The following ZNF676 variants were observed in gnomAD, a reference collection of about 807,000 sequenced individuals.
ZNF676 encodes the protein zinc finger protein 676.
Under a neutral mutation model 6.0 loss-of-function variants are expected in ZNF676, and 4 were observed. That is an observed-to-expected ratio of 0.67 (90% CI 0.33 to 1.53). The LOEUF is 1.53. Ranked by LOEUF, ZNF676 falls within the 40% of genes most tolerant of loss-of-function variation. ZNF676 has a pLI of 0.06. For synonymous variants in ZNF676, 198 were observed against 223.1 expected (o/e 0.89, Z 1.00); for missense variants, 644 against 679.7 (o/e 0.95, Z 0.58).
At chr19:22,204,114 T>C (rs556115063) in intron 1 of ZNF676, 1 of 152,196 alleles carries the variant, frequency 6.6e-6, no homozygotes, top group South Asian at 2.1e-4. Context: ...ATCACCTGTC[T>C]TTATTTATCC....
intron 2 of ZNF676, among the ~76,000 whole-genome samples, chr19:22,182,760 G>A (rs1046299128): frequency 4.7e-5 from 7 of 150,464 alleles, no homozygotes; most frequent in Admixed American, 1.3e-4. Flanking sequence ...GCTGAAAGTA[G>A]TTCTTACCAC....
chr19:22,233,134 T>C, the ZNF676 span, among the ~76,000 whole-genome samples: 2 of 152,150 alleles, frequency 1.3e-5, no homozygotes, highest in Non-Finnish European at 2.9e-5. Context: ...ATTTAACATA[T>C]ATATTCATAT....
chr19:22,257,307 G>C, the ZNF676 span, among the ~76,000 whole-genome samples: 3 of 152,132 alleles, frequency 2.0e-5, no homozygotes, highest in East Asian at 5.8e-4. Context: ...CTACAAGATA[G>C]ATGCTGAGAA....
At chr19:22,192,864 C>A in intron 2 of ZNF676, 152 bp downstream of exon 2, 1 of 777,496 alleles carries the variant, frequency 1.3e-6, no homozygotes, top group Non-Finnish European at 1.9e-6. Context: ...AGAAGATGCC[C>A]CTGTGTGAGA....
At chr19:22,239,197 A>ATTTTTTT in the ZNF676 span, among the ~76,000 whole-genome samples, 1 of 130,096 alleles carries the variant, frequency 7.7e-6, no homozygotes, top group Non-Finnish European at 1.6e-5. Flanking sequence ...CCAACTGTGA[A>ATTTTTTT]TTTTTTTTTT....
the ZNF676 span, chr19:22,244,374 G>A: frequency 6.6e-6 from 1 of 152,206 alleles, no homozygotes; most frequent in Non-Finnish European, 1.5e-5. Context: ...TTCATACAAA[G>A]AGGAGGCCCA....
At chr19:22,251,138 T>C in the ZNF676 span, among the ~76,000 whole-genome samples, 1 of 152,236 alleles carries the variant, frequency 6.6e-6, no homozygotes, top group African/African-American at 2.4e-5. Context: ...TTTTAAAAAG[T>C]CTTTTCTGAT....
chr19:22,239,326 C>T, the ZNF676 span, among the ~76,000 whole-genome samples: 3 of 151,698 alleles, frequency 2.0e-5, no homozygotes, highest in Non-Finnish European at 2.9e-5. Context: ...CAGGCACCCG[C>T]CACCATGCCC....
chr19:22,208,505 G>T (rs2144813173), intron 1 of ZNF676, among the ~76,000 whole-genome samples: 1 of 152,290 alleles, frequency 6.6e-6, no homozygotes, highest in South Asian at 2.1e-4. Context: ...ATTTGACCCA[G>T]TAACCTCACA....
chr19:22,254,473 T>C, the ZNF676 span, among the ~76,000 whole-genome samples: 4 of 152,092 alleles, frequency 2.6e-5, no homozygotes, highest in South Asian at 2.1e-4. Context: ...TGCCCAGCTA[T>C]ATGTAACAAT....
intron 2 of ZNF676, among the ~76,000 whole-genome samples, chr19:22,191,986 A>G (rs764286788): frequency 2.0e-5 from 3 of 152,236 alleles, no homozygotes; most frequent in Non-Finnish European, 2.9e-5. Context: ...TGGAAGAAAA[A>G]TTAGTCAAAA....
chr19:22,220,280 T>C (rs1438404044), upstream of ZNF676, among the ~76,000 whole-genome samples: 1 of 152,148 alleles, frequency 6.6e-6, no homozygotes, highest in African/African-American at 2.4e-5. Flanking sequence ...TGTAGTTTTC[T>C]TTTATTATGT....
At chr19:22,245,588 A>G in the ZNF676 span, among the ~76,000 whole-genome samples, 1 of 149,012 alleles carries the variant, frequency 6.7e-6, no homozygotes. Context: ...ATGTCACAAT[A>G]CTTAAAAAAT....
At chr19:22,199,459 T>C (rs1368340682), upstream of ZNF676, among the ~76,000 whole-genome samples, 2 of 152,262 alleles carry the variant, frequency 1.3e-5, no homozygotes, top group Admixed American at 1.3e-4. Flanking sequence ...GCAATGTTTA[T>C]TAAGCAGGTA....
the ZNF676 span, among the ~76,000 whole-genome samples, chr19:22,226,177 T>G: frequency 1.6e-4 from 25 of 152,148 alleles, no homozygotes; most frequent in African/African-American, 6.0e-4. Flanking sequence ...GATATTATCT[T>G]TTCTCTATTG....
At chr19:22,202,557 C>A (rs556673713) in intron 1 of ZNF676, among the ~76,000 whole-genome samples, 1 of 152,206 alleles carries the variant, frequency 6.6e-6, no homozygotes, top group East Asian at 1.9e-4. Flanking sequence ...CAGTTAGAAG[C>A]AAAATTTTCT....
At chr19:22,207,983 T>TAAAAAAAAAA (rs59890557) in intron 1 of ZNF676, among the ~76,000 whole-genome samples, 2 of 129,200 alleles carry the variant, frequency 1.5e-5, no homozygotes, top group Non-Finnish European at 3.4e-5. Flanking sequence ...TTAAAAATTA[T>TAAAAAAAAAA]AAAAAAAAAA....
intron 1 of ZNF676, among the ~76,000 whole-genome samples, chr19:22,215,157 C>G (rs1206065388): frequency 2.0e-5 from 3 of 152,078 alleles, no homozygotes; most frequent in Non-Finnish European, 4.4e-5. Context: ...CATCAAACCC[C>G]TTCAATAGAC....
the ZNF676 span, among the ~76,000 whole-genome samples, chr19:22,246,902 C>A: frequency 6.6e-6 from 1 of 152,244 alleles, no homozygotes; most frequent in Non-Finnish European, 1.5e-5. Flanking sequence ...ATTAGCTGCT[C>A]TGCCTATGGA....
Sources: allele counts gnomAD v4.1 joint callset (sites outside exome capture counted in the v4.1 genomes callset), GRCh38; gene constraint gnomAD v4.1.1; transcripts MANE v1.5; gene names NCBI Gene and HGNC (gene_info 2026-07-23, HGNC 2026-07-21).